Variants in GPSM1 observed in about 807,000 individuals in gnomAD.
GPSM1 encodes G protein signaling modulator 1.
Under a neutral mutation model 70.5 loss-of-function variants are expected in GPSM1, and 48 were observed. That is an observed-to-expected ratio of 0.68 (90% CI 0.54 to 0.87). The LOEUF is 0.87. GPSM1 is among the 40% of genes least tolerant of loss of function. The pLI, the probability that GPSM1 is intolerant of heterozygous loss-of-function variation, is 0.00. For synonymous variants in GPSM1, 416 were observed against 430.1 expected (o/e 0.97, Z 0.41); for missense variants, 981 against 972.6 (o/e 1.01, Z -0.11).
At chr9:136,339,673 G>T (rs143498173) in intron 7 of GPSM1, 34 bp from the exon 8 acceptor site, 28,896 of 1,409,692 alleles carry the variant, frequency 0.02, 484 homozygotes, top group Middle Eastern at 0.083. Context: ...GGCCTGGAGA[G>T]GGCGGGTATG....
rs1832352623 is a variant in GPSM1, at chr9:136,340,213, TAA to T, written c.1083+400_1083+401del. The stretch of plus-strand genomic sequence containing the variant: ...CTGCACACCCCGAGCCTGTTCATGC[TAA>T]AGACGGTGCCAGCCCCTACTGACCA... On this transcript the variant is annotated intron_variant, in intron 8 of 13. Transcript: ENST00000440944. This position sits in a 1 kb window ranked among gnomAD's most constrained non-coding sequence, Gnocchi z 7.3. Among the ~76,000 whole-genome samples the T allele has an allele frequency of 6.6e-6, 1 of 152,154 alleles. No individual in the cohort carries two copies. The highest frequency in any genetic ancestry group is 1.5e-5 in the Non-Finnish European group (1 of 68,028).
chr9:136,336,821 G>T, intron 3 of GPSM1, 100 bp from the exon 4 acceptor site: 1 of 1,209,408 alleles, frequency 8.3e-7, no homozygotes, highest in Non-Finnish European at 1.1e-6. Context: ...CAAGGCCCTC[G>T]CTGTCGAGGG....
chr9:136,337,608 A>T, intron 5 of GPSM1, 44 bp downstream of exon 5: 1 of 1,529,330 alleles, frequency 6.5e-7, no homozygotes, highest in Non-Finnish European at 8.9e-7. Flanking sequence ...GGGCTGCTGC[A>T]GGGGCAGGGC....
chr9:136,329,465 G>A (rs563819571), intron 1 of GPSM1, among the ~76,000 whole-genome samples: 16 of 152,318 alleles, frequency 1.1e-4, no homozygotes, highest in Middle Eastern at 3.4e-3. Flanking sequence ...AGCAAGACAC[G>A]GAAAAGTCTC....
intron 7 of GPSM1, among the ~76,000 whole-genome samples, chr9:136,339,432 G>A (rs1025864214): frequency 1.7e-4 from 26 of 152,380 alleles, no homozygotes; most frequent in East Asian, 7.7e-4. Flanking sequence ...AGGCAGAGCC[G>A]GCCACAGGCC....
rs1832607409 is a variant in GPSM1, at chr9:136,349,620, T to C, written c.1312T>C (p.Trp438Arg). 1.9e-6 allele frequency: 3 copies of C among 1,549,574 alleles called. No homozygotes were observed. Among genetic ancestry groups the C allele is most frequent in the South Asian group, 1.2e-5 (1 of 84,034 alleles). Residue 438 changes from tryptophan to arginine, a missense_variant, in exon 11 of 14, where the codon TGG (tryptophan) becomes CGG (arginine). Transcript: ENST00000440944. ...TGGAGACAGCCACCATTCAGGGGAC[T>C]GGCGGGGGCCCAGCAGGGACTCGCT... ...QNGDSHHSGD[W>R]RGPSRDSLPL...
At chr9:136,351,579 A>G (rs1832663484) in intron 11 of GPSM1, among the ~76,000 whole-genome samples, 1 of 151,926 alleles carries the variant, frequency 6.6e-6, no homozygotes, top group Non-Finnish European at 1.5e-5. Context: ...CGTCACCCCA[A>G]CAAACTGCCC....
intron 13 of GPSM1, 109 bp downstream of exon 13, chr9:136,356,659 G>A (rs956758893): frequency 2.6e-6 from 2 of 780,386 alleles, no homozygotes; most frequent in Non-Finnish European, 4.1e-6. Context: ...TGCCATCTCC[G>A]GTCATGTTTG....
intron 1 of GPSM1, among the ~76,000 whole-genome samples, chr9:136,328,563 A>C (rs1308019237): frequency 6.6e-6 from 1 of 152,126 alleles, no homozygotes; most frequent in African/African-American, 2.4e-5. Flanking sequence ...GACCTCCCTG[A>C]TAGGGGTCCC....
chr9:136,336,913 GC>G lies in GPSM1; in HGVS notation c.427-5del. On this transcript the variant is annotated splice_region_variant and splice_polypyrimidine_tract_variant and intron_variant, in intron 3 of 13. Coordinates refer to ENST00000440944, the MANE Select transcript of GPSM1 (RefSeq NM_001145638.3). ...AGGCATGCCCCCAACCCTCCGTACT[GC>G]CCACAGGTTGGGGAGGCGAGGGCCC... 6.4e-7 allele frequency: 1 copy of G among 1,551,982 alleles called. No homozygotes were observed. The highest frequency in any genetic ancestry group is 8.7e-7 in the Non-Finnish European group (1 of 1,147,908).
chr9:136,350,815 CGG>C (rs1215197517), intron 11 of GPSM1, among the ~76,000 whole-genome samples: 1 of 152,080 alleles, frequency 6.6e-6, no homozygotes, highest in East Asian at 1.9e-4. Context: ...ACAGAGGTGG[CGG>C]GAGGGGTGGG....
rs1832893104 is a variant in GPSM1 at position 136,358,161 on chromosome 9, G to C, written c.1969G>C (p.Glu657Gln). Residue 657 changes from glutamate to glutamine, a missense_variant, in exon 14 of 14, where the codon GAG becomes CAG. Coordinates refer to ENST00000440944, the MANE Select transcript of GPSM1 (RefSeq NM_001145638.3). ...GCGGGTGGACCTCGCCGGGGGCCCG[G>C]AGCAGGGGGCAGGCGGCCCGCCCGA... ...EQRVDLAGGP[E>Q]QGAGGPPEPQ... The C allele has an allele frequency of 6.3e-7, 1 of 1,595,878 alleles. No homozygotes were observed. Among genetic ancestry groups the C allele is most frequent in the African/African-American group, 1.3e-5 (1 of 74,518 alleles).
chr9:136,347,748 C>T (rs1564351827), intron 9 of GPSM1, among the ~76,000 whole-genome samples: 1 of 152,160 alleles, frequency 6.6e-6, no homozygotes, highest in East Asian at 1.9e-4. Flanking sequence ...CGTTCGCCAA[C>T]TGATTTCTGA....
At chr9:136,344,405 C>T (rs1431443249) in intron 9 of GPSM1, among the ~76,000 whole-genome samples, 2 of 152,210 alleles carry the variant, frequency 1.3e-5, no homozygotes, top group Non-Finnish European at 2.9e-5. Flanking sequence ...GCCAGAAGGC[C>T]AGGGTTTGGG....
chr9:136,346,748 T>C (rs1832532501), intron 9 of GPSM1, among the ~76,000 whole-genome samples: 1 of 152,152 alleles, frequency 6.6e-6, no homozygotes, highest in Non-Finnish European at 1.5e-5. Flanking sequence ...CAGGCTCATA[T>C]TTAAATCAGG....
At position 136,337,291 on chromosome 9, in the gene GPSM1, G is replaced by C. The variant is rs1832265246; in HGVS notation, c.579-150G>C. On this transcript the variant is annotated intron_variant, in intron 4 of 13. Coordinates refer to ENST00000440944, the MANE Select transcript of GPSM1 (RefSeq NM_001145638.3). ...GGACATGACCAAGCCCCAGGTCTCAGAGCTCGAGGACCCTGGAGCCTACCC... is the reference window on the plus strand; with the variant it reads ...GGACATGACCAAGCCCCAGGTCTCACAGCTCGAGGACCCTGGAGCCTACCC... The C allele has an allele frequency of 1.3e-5, 16 of 1,277,328 alleles. 1 individual carries two copies. In the South Asian group the frequency reaches 2.1e-4, roughly 17 times the overall value. 79.1% of individuals were successfully genotyped at this position (1,277,328 alleles called of 1,614,324 possible). A position where few individuals can be genotyped will look rare whatever the true frequency, so the allele number is the denominator to read the frequency against.
intron 11 of GPSM1, among the ~76,000 whole-genome samples, chr9:136,352,646 C>G (rs1001472943): frequency 6.6e-6 from 1 of 152,222 alleles, no homozygotes; most frequent in Non-Finnish European, 1.5e-5. Flanking sequence ...CCGTCCCGGA[C>G]AGAGGAGTCC....
At chr9:136,329,844 G>A (rs1447097761) in intron 1 of GPSM1, among the ~76,000 whole-genome samples, 17 of 151,336 alleles carry the variant, frequency 1.1e-4, no homozygotes, top group Non-Finnish European at 2.1e-4. Context: ...ACGGGGCCCT[G>A]GGTGCTGGGT....
At position 136,341,861 on chromosome 9, in the gene GPSM1, G is replaced by A. The variant is rs140779618; in HGVS notation, c.1207+868G>A. On this transcript the variant is annotated intron_variant, in intron 9 of 13. Coordinates refer to ENST00000440944, the MANE Select transcript of GPSM1 (RefSeq NM_001145638.3). This position sits in a 1 kb window ranked among gnomAD's most constrained non-coding sequence, Gnocchi z 6.7. The stretch of plus-strand genomic sequence containing the variant: ...AGATAGGGCCTCACTATGTTGCCCA[G>A]GCCAGTGTCAAACTCCCAGCCTCAA... The A allele has an allele frequency of 1.8e-4, 147 of 802,838 alleles. 1 individual carries two copies. The East Asian group carries it at 7.0e-3, about 38-fold the overall frequency. The allele number at this position is 802,838 out of a possible 1,614,324, so 49.7% of individuals were successfully genotyped here.
Sources: gnomAD v4.1 joint callset for allele counts (sites outside exome capture counted in the v4.1 genomes callset) on GRCh38, gnomAD v4.1.1 for gene constraint, Gnocchi (gnomAD v3.1) non-coding constraint, MANE v1.5 for transcripts, NCBI Gene and HGNC (gene_info 2026-07-23, HGNC 2026-07-21) for gene names.